The following PTPRG variants were observed in gnomAD, a reference collection of about 807,000 sequenced individuals.
PTPRG encodes the protein protein tyrosine phosphatase receptor type G, also known as receptor-type tyrosine-protein phosphatase gamma.
A neutral mutation model predicts 165.3 loss-of-function variants in PTPRG; 102 were observed. The ratio of observed to expected loss-of-function variants is 0.62; its 90% confidence interval spans 0.53 to 0.73. PTPRG has a LOEUF of 0.73. Ranked by LOEUF, PTPRG falls within the 30% of genes least tolerant of loss-of-function variation. The pLI, the probability that PTPRG is intolerant of heterozygous loss-of-function variation, is 0.00. For synonymous variants in PTPRG, 675 were observed against 669.5 expected (o/e 1.01, Z -0.13); for missense variants, 1,866 against 1,861.4 (o/e 1.00, Z -0.05).
At chr3:61,571,772 G>A (rs1248025949) in intron 1 of PTPRG, among the ~76,000 whole-genome samples, 3 of 152,170 alleles carry the variant, frequency 2.0e-5, no homozygotes, top group African/African-American at 4.8e-5. Flanking sequence ...TATCATCTAA[G>A]TGTGGGCAGC....
At position 62,252,605 on chromosome 3, in the gene PTPRG, T is replaced by A. The variant is rs1047886660; in HGVS notation, c.2468-2519T>A. ...CTTTCCAGATAAAAATTGAGCTGATTAGGCCTCTGATGCTGTCCTAATTGC... is the reference window on the plus strand; with the variant it reads ...CTTTCCAGATAAAAATTGAGCTGATAAGGCCTCTGATGCTGTCCTAATTGC... On this transcript the variant is annotated intron_variant, in intron 15 of 29. Transcript: ENST00000474889. The surrounding 1 kb of genome is among the most constrained non-coding windows in gnomAD (Gnocchi z 4.6). 1.3e-5 allele frequency among the ~76,000 whole-genome samples: 2 copies of A among 152,210 alleles called. No individual in the cohort carries two copies. Among genetic ancestry groups the A allele is most frequent in the Non-Finnish European group, 2.9e-5 (2 of 68,028 alleles).
rs141575933 is a variant in PTPRG at position 61,576,792 on chromosome 3, T to A, written c.85+14420T>A. Among the ~76,000 whole-genome samples the A allele has an allele frequency of 6.1e-3, 935 of 152,332 alleles. 11 individuals carry two copies. Among genetic ancestry groups the A allele is most frequent in the African/African-American group, 0.021 (892 of 41,584 alleles). On this transcript the variant is annotated intron_variant, in intron 1 of 29. Coordinates refer to ENST00000474889, the MANE Select transcript of PTPRG (RefSeq NM_002841.4). ...GATTTGAACTTATATTTGACTCACA[T>A]TTGTTTATTCAGAAAAAAAAATCCA...
chr3:62,225,946 G>A (rs1559677216), intron 13 of PTPRG, among the ~76,000 whole-genome samples: 1 of 152,086 alleles, frequency 6.6e-6, no homozygotes, highest in Non-Finnish European at 1.5e-5. Context: ...CAGCCACCAC[G>A]CCTGGCCAAG....
intron 1 of PTPRG, among the ~76,000 whole-genome samples, chr3:61,699,961 A>G (rs532181063): frequency 6.3e-4 from 96 of 152,330 alleles, no homozygotes; most frequent in Non-Finnish European, 9.8e-4. Flanking sequence ...GTTTTCAAGA[A>G]CAAATATTTC....
At chr3:61,591,695 A>G (rs577365366) in intron 1 of PTPRG, among the ~76,000 whole-genome samples, 4 of 152,162 alleles carry the variant, frequency 2.6e-5, no homozygotes, top group Non-Finnish European at 4.4e-5. Context: ...TTGGTGGTGG[A>G]AGCATGATAT....
chr3:62,262,976 A>G, intron 17 of PTPRG, 82 bp downstream of exon 17: 1 of 993,432 alleles, frequency 1.0e-6, no homozygotes, highest in Non-Finnish European at 1.5e-6. Context: ...CCAAGCAGTC[A>G]GAAGCAGGAT....
chr3:61,731,465 C>T (rs2032488559), intron 1 of PTPRG, among the ~76,000 whole-genome samples: 1 of 151,588 alleles, frequency 6.6e-6, no homozygotes, highest in Non-Finnish European at 1.5e-5. Flanking sequence ...TCCCCTGCCT[C>T]AGCCTCCCGA....
intron 1 of PTPRG, among the ~76,000 whole-genome samples, chr3:61,743,892 A>C (rs767871009): frequency 2.8e-4 from 43 of 152,250 alleles, no homozygotes; most frequent in Non-Finnish European, 1.9e-4. Flanking sequence ...ATAAGCAAGT[A>C]TGCAATTTCA....
intron 2 of PTPRG, among the ~76,000 whole-genome samples, chr3:61,893,596 T>C (rs1019566880): frequency 1.4e-4 from 21 of 152,200 alleles, no homozygotes; most frequent in African/African-American, 4.8e-4. Context: ...GTGATACTTT[T>C]TTTGGTAAGA....
intron 1 of PTPRG, among the ~76,000 whole-genome samples, chr3:61,732,004 A>AT (rs2032521372): frequency 6.6e-6 from 1 of 151,548 alleles, no homozygotes; most frequent in South Asian, 2.1e-4. Flanking sequence ...GGAGTTCACC[A>AT]TGTTGGCCAG....
chr3:62,247,624 C>T (rs932520250), intron 15 of PTPRG, among the ~76,000 whole-genome samples: 2 of 152,116 alleles, frequency 1.3e-5, no homozygotes, highest in Non-Finnish European at 2.9e-5. Flanking sequence ...CTCAGCAAGA[C>T]ATCCATTCCC....
chr3:62,262,974 TC>T, intron 17 of PTPRG, 80 bp downstream of exon 17: 1 of 1,025,786 alleles, frequency 9.7e-7, no homozygotes, highest in Non-Finnish European at 1.5e-6. Context: ...AGCCAAGCAG[TC>T]AGAAGCAGGA....
At chr3:61,967,029 T>G (rs2040287686) in intron 2 of PTPRG, among the ~76,000 whole-genome samples, 1 of 151,922 alleles carries the variant, frequency 6.6e-6, no homozygotes, top group Admixed American at 6.6e-5. Context: ...AAACTCAGAT[T>G]GGTGCTCCCA....
Position 62,277,051 on chromosome 3 carries a change from G to C in PTPRG, c.3636+3G>C. The stretch of plus-strand genomic sequence containing the variant: ...ACATTAATGCTTCTTATATCATGGT[G>C]AGAGTCAACAGTTAATTATAAATAA... On this transcript the variant is annotated splice_donor_region_variant and intron_variant, in intron 25 of 29. Coordinates refer to ENST00000474889, the MANE Select transcript of PTPRG (RefSeq NM_002841.4). 6.2e-7 allele frequency: 1 copy of C among 1,608,998 alleles called. No homozygotes were observed. The highest frequency in any genetic ancestry group is 8.5e-7 in the Non-Finnish European group (1 of 1,175,822).
intron 8 of PTPRG, among the ~76,000 whole-genome samples, chr3:62,189,727 AC>A (rs1699759004): frequency 1.3e-5 from 2 of 151,946 alleles, no homozygotes; most frequent in Non-Finnish European, 2.9e-5. Flanking sequence ...GGGGCCTTCT[AC>A]ACTCAGCTGA....
intron 2 of PTPRG, among the ~76,000 whole-genome samples, chr3:61,801,916 T>C (rs1227736313): frequency 6.6e-6 from 1 of 151,540 alleles, no homozygotes; most frequent in Non-Finnish European, 1.5e-5. Context: ...TCCCAGCTAC[T>C]CAGGAGGCTG....
At chr3:62,082,223 C>T (rs1701606398) in intron 5 of PTPRG, among the ~76,000 whole-genome samples, 1 of 152,168 alleles carries the variant, frequency 6.6e-6, no homozygotes, top group Non-Finnish European at 1.5e-5. Context: ...TTTTCACTAT[C>T]CATGCTTCTT....
chr3:61,622,658 A>G (rs912607126), intron 1 of PTPRG, among the ~76,000 whole-genome samples: 2 of 152,220 alleles, frequency 1.3e-5, no homozygotes, highest in African/African-American at 4.8e-5. Context: ...GCAAATCCTT[A>G]TAACTGAACA....
At chr3:61,926,064 G>C (rs1420968924) in intron 2 of PTPRG, 2 of 420,732 alleles carry the variant, frequency 4.8e-6, no homozygotes, top group Admixed American at 5.1e-5. Context: ...ATTTTAGCAA[G>C]ATCTGCAGGT....
Sources: gnomAD v4.1 joint callset for allele counts (sites outside exome capture counted in the v4.1 genomes callset) on GRCh38, gnomAD v4.1.1 for gene constraint, Gnocchi (gnomAD v3.1) non-coding constraint, MANE v1.5 for transcripts, NCBI Gene and HGNC (gene_info 2026-07-23, HGNC 2026-07-21) for gene names.